Variants in EDIL3 observed in about 807,000 individuals in gnomAD.
EDIL3 encodes the protein EGF like and discoidin domains 3.
A neutral mutation model predicts 67.4 loss-of-function variants in EDIL3; 37 were observed. The observed-to-expected ratio is 0.55, with a 90% CI of 0.42 to 0.72. EDIL3 has a LOEUF of 0.72. Among genes scored for constraint, EDIL3 ranks in the 30% least tolerant of loss-of-function variants. The pLI, the probability that EDIL3 is intolerant of heterozygous loss-of-function variation, is 0.00. For synonymous variants in EDIL3, 195 were observed against 196.3 expected (o/e 0.99, Z 0.05); for missense variants, 527 against 586.3 (o/e 0.90, Z 1.04).
intron 9 of EDIL3, among the ~76,000 whole-genome samples, chr5:83,993,087 A>G (rs1372727960): frequency 4.6e-5 from 7 of 152,206 alleles, no homozygotes; most frequent in Non-Finnish European, 1.0e-4. Context: ...AGAATAAATA[A>G]TTCCAGCAAG....
chr5:84,146,165 C>T (rs75519481), intron 4 of EDIL3, among the ~76,000 whole-genome samples: 2,563 of 152,178 alleles, frequency 0.017, 74 homozygotes, highest in African/African-American at 0.058. Context: ...TTGTAGATTA[C>T]TTATTATGTA....
chr5:83,998,348 C>T (rs533742379), intron 9 of EDIL3, among the ~76,000 whole-genome samples: 26 of 152,260 alleles, frequency 1.7e-4, no homozygotes, highest in African/African-American at 5.1e-4. Flanking sequence ...GAAGGGAACT[C>T]GCTACGTTGA....
At chr5:84,282,348 C>A (rs2112108766) in intron 1 of EDIL3, among the ~76,000 whole-genome samples, 1 of 152,254 alleles carries the variant, frequency 6.6e-6, no homozygotes, top group East Asian at 1.9e-4. Context: ...ACTTTACTCT[C>A]TAAATTTTAC....
intron 1 of EDIL3, among the ~76,000 whole-genome samples, chr5:84,271,697 T>C (rs985959692): frequency 6.6e-6 from 1 of 152,170 alleles, no homozygotes; most frequent in Non-Finnish European, 1.5e-5. Flanking sequence ...TTATGTTTCA[T>C]GCTTTTTCAA....
intron 9 of EDIL3, among the ~76,000 whole-genome samples, chr5:83,977,602 C>T (rs1744896907): frequency 6.6e-6 from 1 of 151,664 alleles, no homozygotes; most frequent in South Asian, 2.1e-4. Context: ...TTTTCCCTTG[C>T]TTTTTCTCTT....
chr5:84,127,730 A>AT (rs1269226076), intron 5 of EDIL3, among the ~76,000 whole-genome samples: 4 of 150,986 alleles, frequency 2.6e-5, no homozygotes, highest in Admixed American at 2.0e-4. Flanking sequence ...CTTTTATTTT[A>AT]TTTTTTTCGT....
At chr5:83,964,221 A>C (rs1363822946) in intron 9 of EDIL3, among the ~76,000 whole-genome samples, 1 of 151,754 alleles carries the variant, frequency 6.6e-6, no homozygotes, top group African/African-American at 2.4e-5. Context: ...TCATTCCTGC[A>C]TTTTTTCACA....
intron 6 of EDIL3, among the ~76,000 whole-genome samples, chr5:84,093,119 G>A (rs532358059): frequency 3.3e-5 from 5 of 151,992 alleles, no homozygotes; most frequent in South Asian, 4.2e-4. Context: ...AAACTGAGTC[G>A]CCAGGGCATT....
intron 6 of EDIL3, among the ~76,000 whole-genome samples, chr5:84,070,019 T>A (rs1376097151): frequency 6.6e-6 from 1 of 151,722 alleles, no homozygotes; most frequent in Non-Finnish European, 1.5e-5. Flanking sequence ...TGGAATGATG[T>A]GGATACCAAG....
At chr5:84,347,150 G>A (rs1470632989) in intron 1 of EDIL3, among the ~76,000 whole-genome samples, 4 of 152,108 alleles carry the variant, frequency 2.6e-5, no homozygotes, top group African/African-American at 7.2e-5. Context: ...GTAACATTGT[G>A]TCCTTTTGTC....
intron 9 of EDIL3, among the ~76,000 whole-genome samples, chr5:83,980,249 T>C (rs1264630034): frequency 6.6e-6 from 1 of 152,020 alleles, no homozygotes; most frequent in Admixed American, 6.6e-5. Flanking sequence ...GTTTTTTTTT[T>C]GTTTTTGTTT....
intron 8 of EDIL3, 88 bp downstream of exon 8, chr5:84,064,612 T>G (rs1746600892): frequency 6.9e-7 from 1 of 1,444,334 alleles, no homozygotes; most frequent in African/African-American, 1.4e-5. Flanking sequence ...CTATGGTTGT[T>G]GAATTTGTAG....
chr5:84,296,213 C>T (rs1336249367), intron 1 of EDIL3, among the ~76,000 whole-genome samples: 1 of 152,126 alleles, frequency 6.6e-6, no homozygotes, highest in Non-Finnish European at 1.5e-5. Flanking sequence ...TTTCCTCTCC[C>T]CAGGGAACCC....
intron 9 of EDIL3, among the ~76,000 whole-genome samples, chr5:84,049,643 G>A (rs1329780631): frequency 6.6e-6 from 1 of 152,110 alleles, no homozygotes; most frequent in African/African-American, 2.4e-5. Flanking sequence ...TTTCAACATT[G>A]GTAAGAATTT....
intron 9 of EDIL3, among the ~76,000 whole-genome samples, chr5:83,984,789 C>T (rs999416672): frequency 6.6e-6 from 1 of 151,984 alleles, no homozygotes; most frequent in Non-Finnish European, 1.5e-5. Context: ...CACCACTGTT[C>T]CTGGCATAAA....
In EDIL3 at chr5:84,137,432, A is replaced by T. The variant is rs1748113486; in HGVS notation, c.356-78T>A. On this transcript the variant is annotated intron_variant, in intron 4 of 10. Transcript: ENST00000296591. ...GATATTGGAAAGTTTTAACATTTGA[A>T]ATACAAATGTCTTAGTAATGCTATT... 3.2e-6 allele frequency: 4 copies of T among 1,260,806 alleles called. No homozygotes were observed. The African/African-American group carries it at 4.5e-5, about 14-fold the overall frequency. The allele number at this position is 1,260,806 out of a possible 1,614,324, so 78.1% of individuals were successfully genotyped here.
At chr5:84,248,818 T>C (rs1744963557) in intron 2 of EDIL3, among the ~76,000 whole-genome samples, 1 of 152,172 alleles carries the variant, frequency 6.6e-6, no homozygotes, top group Non-Finnish European at 1.5e-5. Context: ...TATGGTATCA[T>C]CTAAATACTC....
intron 5 of EDIL3, 131 bp downstream of exon 5, chr5:84,137,110 G>T: frequency 1.6e-6 from 1 of 628,732 alleles, no homozygotes; most frequent in Non-Finnish European, 2.5e-6. Flanking sequence ...ATTGATTTTG[G>T]CCCAGATTTC....
At chr5:84,071,733 G>A (rs1484940334) in intron 6 of EDIL3, among the ~76,000 whole-genome samples, 1 of 152,162 alleles carries the variant, frequency 6.6e-6, no homozygotes, top group African/African-American at 2.4e-5. Context: ...AAATTCTAGA[G>A]ACGCAAGAAA....
Sources: allele counts gnomAD v4.1 joint callset (sites outside exome capture counted in the v4.1 genomes callset), GRCh38; gene constraint gnomAD v4.1.1; transcripts MANE v1.5; gene names NCBI Gene and HGNC (gene_info 2026-07-23, HGNC 2026-07-21).